The following RNF38 variants were observed in gnomAD, a reference collection of about 807,000 sequenced individuals.
The protein encoded by RNF38 is ring finger protein 38, also known as E3 ubiquitin-protein ligase RNF38.
Under a neutral mutation model 67.2 loss-of-function variants are expected in RNF38, and 15 were observed. The observed-to-expected ratio is 0.22, with a 90% confidence interval of 0.15 to 0.34. The LOEUF (loss-of-function observed/expected upper bound fraction) is 0.34, where lower values mean the gene tolerates loss of function less well. Among genes scored for constraint, RNF38 ranks in the 10% least tolerant of loss-of-function variants. The pLI, the probability that RNF38 is intolerant of heterozygous loss-of-function variation, is 1.00. For synonymous variants in RNF38, 220 were observed against 218.8 expected, an observed-to-expected ratio of 1.01 and a Z score of -0.05; for missense variants, 524 against 639.9, an observed-to-expected ratio of 0.82 and a Z score of 1.95.
At chr9:36,357,753 G>C (rs1428394859) in intron 5 of RNF38, 22 bp downstream of exon 5, 2 of 1,605,442 alleles carry the variant, frequency 1.2e-6, no homozygotes, top group Non-Finnish European at 1.7e-6. Flanking sequence ...AATATCTAAT[G>C]AGAACAAAGA....
chr9:36,396,786 T>A (rs1027526091), intron 1 of RNF38, among the ~76,000 whole-genome samples: 8 of 147,132 alleles, frequency 5.4e-5, no homozygotes, highest in Non-Finnish European at 1.0e-4. Flanking sequence ...AAAGCTTCTT[T>A]AAAAAAAAAA....
intron 1 of RNF38, among the ~76,000 whole-genome samples, chr9:36,451,503 T>TGTTTG (rs1156938010): frequency 7.3e-6 from 1 of 137,678 alleles, no homozygotes; most frequent in African/African-American, 2.8e-5. Flanking sequence ...TTTTTTTTTT[T>TGTTTG]TTTTTTTTTT....
At chr9:36,484,226 G>C (rs1458630300) in intron 1 of RNF38, among the ~76,000 whole-genome samples, 2 of 152,194 alleles carry the variant, frequency 1.3e-5, no homozygotes, top group African/African-American at 2.4e-5. Context: ...TCAAACTGCT[G>C]ACACAGGTCC....
Position 36,338,650 on chromosome 9 carries a change from G to C in RNF38, c.*1102C>G, listed in dbSNP as rs1832619124. 1 of 152,400 alleles carries C rather than the reference G, an allele frequency of 6.6e-6. No individual in the cohort carries two copies. Among genetic ancestry groups the C allele is most frequent in the African/African-American group, 2.4e-5 (1 of 41,440 alleles). 9.4% of individuals were successfully genotyped at this position (152,400 alleles called of 1,614,324 possible). On this transcript the variant is annotated 3_prime_UTR_variant, in exon 12 of 12. Transcript: ENST00000259605. ...ATGAGAAGTCAAGCTGAATTAACAG[G>C]TTTTGTTCTGGTGGAAGTCAACAAG...
chr9:36,349,734 C>T (rs1833558553), intron 9 of RNF38, among the ~76,000 whole-genome samples: 1 of 152,150 alleles, frequency 6.6e-6, no homozygotes. Flanking sequence ...TGTTTTCTTT[C>T]AGCACTTTTA....
At chr9:36,399,911 A>C (rs1418375150) in intron 1 of RNF38, among the ~76,000 whole-genome samples, 186 bp downstream of exon 1, 2 of 152,230 alleles carry the variant, frequency 1.3e-5, no homozygotes. Flanking sequence ...CAACTGTATT[A>C]TGAGCTTTGT....
intron 2 of RNF38, among the ~76,000 whole-genome samples, chr9:36,422,665 G>A (rs548525323): frequency 6.6e-6 from 1 of 152,074 alleles, no homozygotes; most frequent in African/African-American, 2.4e-5. Context: ...TTCCATTTAG[G>A]AAACAATCAA....
At chr9:36,382,081 T>C (rs1836252630) in intron 2 of RNF38, among the ~76,000 whole-genome samples, 1 of 152,198 alleles carries the variant, frequency 6.6e-6, no homozygotes, top group African/African-American at 2.4e-5. Context: ...TTGGATAATT[T>C]AGATTTTGAA....
rs746503422 is a variant in RNF38, at chr9:36,379,925, A to T, written c.163-3798T>A. Among the ~76,000 whole-genome samples, 18 of 152,230 alleles carry T rather than the reference A, an allele frequency of 1.2e-4. 1 individual carries two copies. The highest frequency in any genetic ancestry group is 2.2e-4 in the Non-Finnish European group (15 of 68,042). ...CATTCTTTGAGTGGAATGGGTAGTC[A>T]GAAGATTACATTCACTTTTCCATGG... On this transcript the variant is annotated intron_variant, in intron 2 of 11. Transcript: ENST00000259605.
intron 1 of RNF38, among the ~76,000 whole-genome samples, chr9:36,482,353 C>CTTTT (rs71336457): frequency 9.3e-5 from 10 of 107,672 alleles, no homozygotes; most frequent in Admixed American, 6.8e-4. Context: ...GTGCCCAGAC[C>CTTTT]TTTTTTTTTT....
chr9:36,441,228 T>C (rs1302955021), intron 1 of RNF38, among the ~76,000 whole-genome samples: 1 of 152,188 alleles, frequency 6.6e-6, no homozygotes, highest in Non-Finnish European at 1.5e-5. Context: ...TAGCTATTTA[T>C]ATGCAACAAA....
chr9:36,352,912 A>G, intron 7 of RNF38, 64 bp from the exon 8 acceptor site: 1 of 1,170,104 alleles, frequency 8.5e-7, no homozygotes, highest in Non-Finnish European at 1.3e-6. Flanking sequence ...TGTCAAATAA[A>G]GTATCTAATT....
At chr9:36,402,821 C>T (rs919112482), upstream of RNF38, among the ~76,000 whole-genome samples, 3 of 152,234 alleles carry the variant, frequency 2.0e-5, no homozygotes, top group East Asian at 5.8e-4. Context: ...TGTCACAACC[C>T]CAGGTTGGAT....
At chr9:36,427,103 G>A (rs543947651) in intron 1 of RNF38, among the ~76,000 whole-genome samples, 1 of 152,260 alleles carries the variant, frequency 6.6e-6, no homozygotes, top group Non-Finnish European at 1.5e-5. Context: ...AAGGGGAAGA[G>A]ATAACATGTC....
upstream of RNF38, among the ~76,000 whole-genome samples, chr9:36,403,259 T>C (rs543960755): frequency 7.2e-4 from 109 of 152,354 alleles, no homozygotes; most frequent in African/African-American, 2.5e-3. Flanking sequence ...AAAATTTTAT[T>C]TGGTGTCTGT....
intron 1 of RNF38, among the ~76,000 whole-genome samples, chr9:36,440,181 G>C (rs1030794590): frequency 4.1e-4 from 63 of 152,188 alleles, no homozygotes; most frequent in Non-Finnish European, 6.2e-4. Context: ...GGGAGGTAGA[G>C]GTTGCAGTGA....
At chr9:36,401,183 C>T, upstream of RNF38, 2 of 981,786 alleles carry the variant, frequency 2.0e-6, no homozygotes, top group South Asian at 9.5e-5. Flanking sequence ...CCTTTGTTTC[C>T]ACCCCGAGGG....
At chr9:36,458,588 C>T (rs1170532232) in intron 1 of RNF38, among the ~76,000 whole-genome samples, 1 of 151,840 alleles carries the variant, frequency 6.6e-6, no homozygotes, top group African/African-American at 2.4e-5. Context: ...AGAGCTGTAA[C>T]ACTCACTGCG....
chr9:36,402,796 G>A (rs939469900), upstream of RNF38, among the ~76,000 whole-genome samples: 1 of 152,142 alleles, frequency 6.6e-6, no homozygotes, highest in South Asian at 2.1e-4. Context: ...AAATGGTTAC[G>A]ATCTTCAACA....
Sources: allele counts gnomAD v4.1 joint callset (sites outside exome capture counted in the v4.1 genomes callset), GRCh38; gene constraint gnomAD v4.1.1; transcripts MANE v1.5; gene names NCBI Gene and HGNC (gene_info 2026-07-23, HGNC 2026-07-21).